Variants in STX7 observed in about 807,000 individuals in gnomAD.
STX7 encodes the protein syntaxin-7.
In STX7, 34 loss-of-function variants were observed where a neutral mutation model predicts 39.6. The ratio of observed to expected loss-of-function variants is 0.86; its 90% CI spans 0.65 to 1.14. The LOEUF (loss-of-function observed/expected upper bound fraction) is 1.14. STX7 is among the 50% of genes most tolerant of loss of function. STX7 has a pLI of 0.00. For synonymous variants in STX7, 119 were observed against 99.1 expected (o/e 1.20, Z -1.19); for missense variants, 284 against 310.4 (o/e 0.92, Z 0.64).
chr6:132,467,293 G>A (rs1774587322), intron 8 of STX7, among the ~76,000 whole-genome samples: 1 of 152,082 alleles, frequency 6.6e-6, no homozygotes, highest in Non-Finnish European at 1.5e-5. Context: ...CTCTCTGCCT[G>A]GAACACTTTC....
At chr6:132,466,567 T>A (rs12213360) in intron 8 of STX7, among the ~76,000 whole-genome samples, 31,369 of 152,064 alleles carry the variant, frequency 0.21, 3,275 homozygotes, top group Middle Eastern at 0.27. Flanking sequence ...GATCCAGGGC[T>A]AAGTCCTCAG....
chr6:132,508,524 G>T (rs1217553730), intron 1 of STX7, among the ~76,000 whole-genome samples: 1 of 152,062 alleles, frequency 6.6e-6, no homozygotes, highest in Non-Finnish European at 1.5e-5. Context: ...TCTTTGTTTG[G>T]CGTTGTTGTT....
intron 6 of STX7, among the ~76,000 whole-genome samples, 192 bp from the exon 7 acceptor site, chr6:132,470,239 T>C (rs781500575): frequency 2.6e-4 from 39 of 152,160 alleles, no homozygotes; most frequent in Non-Finnish European, 5.1e-4. Context: ...ACTTATATCA[T>C]TTTAGCTAAT....
chr6:132,456,856 C>T lies in STX7; in HGVS notation c.*3902G>A, dbSNP rs1582639491. 1 of 152,292 alleles carries T rather than the reference C, an allele frequency of 6.6e-6. No individual in the cohort carries two copies. The highest frequency in any genetic ancestry group is 2.1e-4 in the South Asian group (1 of 4,840). 9.4% of individuals were successfully genotyped at this position (152,292 alleles called of 1,614,324 possible). A position where few individuals can be genotyped will look rare whatever the true frequency, so the allele number is the denominator to read the frequency against. On this transcript the variant is annotated 3_prime_UTR_variant, in exon 10 of 10. Transcript: ENST00000367941. The stretch of plus-strand genomic sequence containing the variant: ...CACACTTCCCACAAACTCCTTCTGT[C>T]TCTGGTTCTAAGTTGAGAGTTGACC...
intron 2 of STX7, among the ~76,000 whole-genome samples, chr6:132,500,825 T>A (rs1394634708): frequency 3.9e-5 from 6 of 152,206 alleles, no homozygotes; most frequent in South Asian, 2.1e-4. Flanking sequence ...ACCATCCTTT[T>A]TCTGGTCACT....
intron 8 of STX7, among the ~76,000 whole-genome samples, chr6:132,467,480 C>T (rs1045089525): frequency 3.3e-5 from 5 of 152,198 alleles, no homozygotes; most frequent in Non-Finnish European, 5.9e-5. Context: ...TTGCTTTTCT[C>T]GCCTTTTTAA....
chr6:132,506,085 A>G (rs2114481270), intron 1 of STX7, among the ~76,000 whole-genome samples: 2 of 152,104 alleles, frequency 1.3e-5, no homozygotes, highest in South Asian at 4.1e-4. Flanking sequence ...ACATATAAAA[A>G]AAAAAATCGA....
At chr6:132,473,301 G>A (rs78855134) in intron 3 of STX7, among the ~76,000 whole-genome samples, 4,377 of 152,232 alleles carry the variant, frequency 0.029, 195 homozygotes, top group African/African-American at 0.097. Context: ...TCATCCCTCA[G>A]TATCTGCAGA....
rs1179259656 is a variant in STX7, at chr6:132,454,413, G to T, written c.*6345C>A. On this transcript the variant is annotated 3_prime_UTR_variant, in exon 10 of 10. Coordinates refer to ENST00000367941, the MANE Select transcript of STX7 (RefSeq NM_003569.3). The stretch of plus-strand genomic sequence containing the variant: ...GTGTCAGTATCCTGGGTATGATATT[G>T]TATGACAGTTTTGAAAGATGTTCAC... The T allele has an allele frequency of 1.3e-5, 2 of 152,102 alleles. No homozygotes were observed. Among genetic ancestry groups the T allele is most frequent in the Admixed American group, 1.3e-4 (2 of 15,264 alleles). The allele number at this position is 152,102 out of a possible 1,614,324, so 9.4% of individuals were successfully genotyped here. A position where few individuals can be genotyped will look rare whatever the true frequency, so the allele number is the denominator to read the frequency against.
Position 132,471,445 on chromosome 6 carries a change from GTCT to G in STX7, c.387+15_387+17del. On this transcript the variant is annotated intron_variant, in intron 5 of 9. Transcript: ENST00000367941. ...AAGTAACCATGTTCATTTCTAGAAT[GTCT>G]TTTAAAATACTTACAGACACTCTGG... The G allele has an allele frequency of 6.2e-7, 1 of 1,604,444 alleles. No individual in the cohort carries two copies.
intron 8 of STX7, among the ~76,000 whole-genome samples, chr6:132,465,734 G>A (rs986365502): frequency 5.9e-5 from 9 of 152,096 alleles, no homozygotes; most frequent in Admixed American, 3.3e-4. Flanking sequence ...ATTTCCACAC[G>A]TTTTCATGAC....
intron 2 of STX7, among the ~76,000 whole-genome samples, chr6:132,500,700 T>C (rs9483470): frequency 0.077 from 11,760 of 152,230 alleles, 560 homozygotes; most frequent in East Asian, 0.15. Context: ...GTACTATGTA[T>C]CCCAAAAATT....
intron 2 of STX7, among the ~76,000 whole-genome samples, chr6:132,489,136 G>A (rs1022006059): frequency 2.0e-5 from 3 of 149,016 alleles, no homozygotes; most frequent in Admixed American, 6.7e-5. Context: ...CAGAGGAAGA[G>A]GTTGCAGTGA....
chr6:132,468,372 C>T, intron 8 of STX7, 31 bp downstream of exon 8: 3 of 1,560,642 alleles, frequency 1.9e-6, no homozygotes, highest in South Asian at 1.1e-5. Context: ...AGCTTGCTCT[C>T]ACCTCCAAAA....
At chr6:132,469,150 A>C (rs1562323336) in intron 7 of STX7, among the ~76,000 whole-genome samples, 1 of 152,236 alleles carries the variant, frequency 6.6e-6, no homozygotes, top group Non-Finnish European at 1.5e-5. Context: ...ATTGTTAGCT[A>C]TTATTAGCCT....
Position 132,460,686 on chromosome 6 carries a change from A to C in STX7, c.*72T>G. 1 of 1,208,286 alleles carries C rather than the reference A, an allele frequency of 8.3e-7. No homozygotes were observed. Among genetic ancestry groups the C allele is most frequent in the Non-Finnish European group, 1.2e-6 (1 of 846,170 alleles). The allele number at this position is 1,208,286 out of a possible 1,614,324, so 74.8% of individuals were successfully genotyped here. A position where few individuals can be genotyped will look rare whatever the true frequency, so the allele number is the denominator to read the frequency against. ...TACAATAGCTTTAAAATAATAATTA[A>C]AAAAACATGATTACAGGAATCTTCC... On this transcript the variant is annotated 3_prime_UTR_variant, in exon 10 of 10. Transcript: ENST00000367941.
chr6:132,452,351 G>A lies in STX7; in HGVS notation c.*8407C>T, dbSNP rs1211255395. On this transcript the variant is annotated 3_prime_UTR_variant, in exon 10 of 10. Transcript: ENST00000367941. ...CAAGCCAAGGATCTCTACTCTCACTGCTTTTATTTCTGCTGGAATTTCTAC... is the reference window on the plus strand; with the variant it reads ...CAAGCCAAGGATCTCTACTCTCACTACTTTTATTTCTGCTGGAATTTCTAC... 1.3e-5 allele frequency: 2 copies of A among 151,780 alleles called. No individual in the cohort carries two copies. Among genetic ancestry groups the A allele is most frequent in the Admixed American group, 6.6e-5 (1 of 15,232 alleles). The allele number at this position is 151,780 out of a possible 1,614,324, so 9.4% of individuals were successfully genotyped here.
intron 1 of STX7, among the ~76,000 whole-genome samples, chr6:132,511,542 A>C (rs1582692067): frequency 1.3e-5 from 2 of 152,366 alleles, no homozygotes; most frequent in East Asian, 3.9e-4. Context: ...CTTCTGGAAT[A>C]TAAACAGGAG....
At chr6:132,502,915 T>C (rs1239542384) in intron 2 of STX7, among the ~76,000 whole-genome samples, 1 of 151,448 alleles carries the variant, frequency 6.6e-6, no homozygotes, top group East Asian at 1.9e-4. Flanking sequence ...AAAAAGAATA[T>C]GTGGGGAATG....
Sources: gnomAD v4.1 joint callset for allele counts (sites outside exome capture counted in the v4.1 genomes callset) on GRCh38, gnomAD v4.1.1 for gene constraint, MANE v1.5 for transcripts, NCBI Gene and HGNC (gene_info 2026-07-23, HGNC 2026-07-21) for gene names.